Variants in SLC17A4 observed in about 807,000 individuals in gnomAD.
SLC17A4 encodes probable small intestine urate exporter.
In SLC17A4, 33 loss-of-function variants were observed where a neutral mutation model predicts 52.5. The observed-to-expected ratio is 0.63, with a 90% confidence interval of 0.48 to 0.84. The LOEUF is 0.84. Ranked by LOEUF, SLC17A4 falls within the 40% of genes least tolerant of loss-of-function variation. The pLI, the probability that SLC17A4 is intolerant of heterozygous loss-of-function variation, is 0.00. For missense variants in SLC17A4, 585 were observed against 597.1 expected, an observed-to-expected ratio of 0.98 and a Z score of 0.21; for synonymous variants, 225 against 216.2, an observed-to-expected ratio of 1.04 and a Z score of -0.36.
In SLC17A4 at chr6:25,778,027, A is replaced by G; in HGVS notation, c.1359+11A>G. 1.3e-6 allele frequency: 2 copies of G among 1,490,816 alleles called. No homozygotes were observed. Among genetic ancestry groups the G allele is most frequent in the South Asian group, 2.3e-5 (2 of 85,486 alleles). 92.3% of individuals were successfully genotyped at this position (1,490,816 alleles called of 1,614,324 possible). On this transcript the variant is annotated intron_variant, in intron 11 of 11. Transcript: ENST00000377905. ...TTTTTCATCAGTCAGGTGAGGTCAA[A>G]TGTTCTGATGAATATTCATAAAAGA...
rs1222578270 is a variant in SLC17A4 at position 25,773,666 on chromosome 6, C to T, written c.979C>T (p.Leu327Phe). ...CATCAGCTCGGTACTTCAAGCCAAC[C>T]TCAGAGATGTAAGTACAGAGAAAGC... ...TYISSVLQAN[L>F]RDSGILSALP... Residue 327 changes from leucine (L) to phenylalanine (F), a missense_variant, in exon 8 of 12, where the codon CTC (leucine) becomes TTC (phenylalanine). Coordinates refer to ENST00000377905, the MANE Select transcript of SLC17A4 (RefSeq NM_005495.3). 4.3e-6 allele frequency: 7 copies of T among 1,613,172 alleles called. No individual in the cohort carries two copies. Among genetic ancestry groups the T allele is most frequent in the Non-Finnish European group, 5.9e-6 (7 of 1,179,550 alleles).
chr6:25,771,399 C>A (rs1460127140), intron 6 of SLC17A4, among the ~76,000 whole-genome samples: 7 of 151,926 alleles, frequency 4.6e-5, no homozygotes, highest in Admixed American at 6.6e-5. Context: ...CATGGTTAAA[C>A]CCCGTCTCTA....
At chr6:25,765,189 G>A (rs1018315442) in intron 2 of SLC17A4, among the ~76,000 whole-genome samples, 1 of 152,194 alleles carries the variant, frequency 6.6e-6, no homozygotes, top group East Asian at 1.9e-4. Context: ...GATAAGGCAT[G>A]TGTTAGATAA....
At chr6:25,765,395 G>A (rs536834087) in intron 2 of SLC17A4, among the ~76,000 whole-genome samples, 23 of 152,296 alleles carry the variant, frequency 1.5e-4, no homozygotes, top group African/African-American at 5.5e-4. Context: ...AGGCACAGAG[G>A]GATGAAGTAA....
intron 6 of SLC17A4, 76 bp downstream of exon 6, chr6:25,771,088 C>T (rs1332377348): frequency 1.9e-5 from 22 of 1,177,002 alleles, no homozygotes; most frequent in Non-Finnish European, 5.1e-6. Flanking sequence ...TTAACCAAAT[C>T]CTAATAGATA....
chr6:25,770,886 G>A (rs745938064), intron 5 of SLC17A4, 40 bp from the exon 6 acceptor site: 10 of 1,498,712 alleles, frequency 6.7e-6, no homozygotes, highest in Middle Eastern at 1.7e-4. Flanking sequence ...GCCCCAAGAC[G>A]AGTCCTCTCA....
At chr6:25,773,124 C>T (rs2151449716) in intron 6 of SLC17A4, 151 bp from the exon 7 acceptor site, 1 of 686,864 alleles carries the variant, frequency 1.5e-6, no homozygotes, top group East Asian at 2.5e-5. Context: ...GAGGAAGTAC[C>T]CTCCCCCATG....
At chr6:25,770,872 T>C (rs1762422762) in intron 5 of SLC17A4, 54 bp from the exon 6 acceptor site, 3 of 1,382,804 alleles carry the variant, frequency 2.2e-6, no homozygotes, top group South Asian at 1.2e-5. Flanking sequence ...AGAAAGCACA[T>C]AGAGCCCCAA....
intron 1 of SLC17A4, among the ~76,000 whole-genome samples, chr6:25,757,839 G>A (rs1761156519): frequency 6.6e-6 from 1 of 152,328 alleles, no homozygotes; most frequent in Admixed American, 6.5e-5. Context: ...CATGTCAGGG[G>A]TGATATGTGT....
At chr6:25,777,059 G>T in intron 10 of SLC17A4, 100 bp downstream of exon 10, 5 of 1,338,154 alleles carry the variant, frequency 3.7e-6, no homozygotes, top group Non-Finnish European at 5.1e-6. Context: ...GGTACAACAG[G>T]TTGCAGGAAA....
rs112673081 is a variant in SLC17A4 at position 25,775,210 on chromosome 6, T to C, written c.988-1385T>C. On this transcript the variant is annotated intron_variant, in intron 8 of 11. Coordinates refer to ENST00000377905, the MANE Select transcript of SLC17A4 (RefSeq NM_005495.3). ...AGCCAGGTGTTGTGGCATCTGCCTG[T>C]AGTCCCAGCTACTTAGGAGGCTGAG... is the stretch of plus-strand genomic sequence containing the variant. Among the ~76,000 whole-genome samples the C allele has an allele frequency of 9.4e-3, 1,426 of 151,992 alleles. 13 individuals carry two copies. Among genetic ancestry groups the C allele is most frequent in the African/African-American group, 0.024 (1,006 of 41,476 alleles).
intron 1 of SLC17A4, among the ~76,000 whole-genome samples, chr6:25,758,050 G>A (rs1561793579): frequency 2.6e-5 from 4 of 152,180 alleles, no homozygotes; most frequent in Admixed American, 6.5e-5. Flanking sequence ...GCCGTGGGAC[G>A]TATCACAGCC....
At chr6:25,774,180 A>G (rs1010537562) in intron 8 of SLC17A4, among the ~76,000 whole-genome samples, 5 of 152,216 alleles carry the variant, frequency 3.3e-5, no homozygotes, top group African/African-American at 1.2e-4. Context: ...TTGTTTTAAA[A>G]AATCATTTTT....
chr6:25,762,257 T>TATA (rs1761607032), intron 2 of SLC17A4, among the ~76,000 whole-genome samples: 1 of 152,212 alleles, frequency 6.6e-6, no homozygotes, highest in Admixed American at 6.5e-5. Context: ...TTTGAAGGTA[T>TATA]ATAAGACAGG....
intron 2 of SLC17A4, among the ~76,000 whole-genome samples, chr6:25,763,770 C>T (rs1761756191): frequency 6.6e-6 from 1 of 152,196 alleles, no homozygotes. Flanking sequence ...AGTAGTTTTT[C>T]TCTATCAGTG....
At chr6:25,760,829 C>T (rs1300457197) in intron 1 of SLC17A4, among the ~76,000 whole-genome samples, 1 of 151,956 alleles carries the variant, frequency 6.6e-6, no homozygotes, top group Non-Finnish European at 1.5e-5. Context: ...TTTTTGGTAT[C>T]TTTTTATGTT....
Position 25,770,270 on chromosome 6 carries a change from T to C in SLC17A4, c.501T>C (p.Ile167=), listed in dbSNP as rs755291631. 5.6e-6 allele frequency: 9 copies of C among 1,614,134 alleles called. No homozygotes were observed. The highest frequency in any genetic ancestry group is 1.3e-5 in the African/African-American group (1 of 75,052). Residue 167 remains isoleucine, a synonymous_variant, in exon 4 of 12, where the codon ATT becomes ATC. Transcript: ENST00000377905. ...CTAATGCGGGAGTGGCCTTGCTCAT[T>C]GTCCTCCGGATTGTACAAGGCATAG... The part of the protein sequence containing the change: ...LAANAGVALL[I]VLRIVQGIAQ...
intron 2 of SLC17A4, chr6:25,768,554 G>T: frequency 3.4e-6 from 1 of 291,554 alleles, no homozygotes. Context: ...ATGTTTCCTG[G>T]TTATAAATGG....
intron 2 of SLC17A4, among the ~76,000 whole-genome samples, chr6:25,766,358 G>C (rs769918474): frequency 1.3e-5 from 2 of 152,070 alleles, no homozygotes; most frequent in African/African-American, 2.4e-5. Context: ...AGAGGAAAAT[G>C]CCTATTTATC....
Sources: gnomAD v4.1 joint callset for allele counts (sites outside exome capture counted in the v4.1 genomes callset) on GRCh38, gnomAD v4.1.1 for gene constraint, MANE v1.5 for transcripts, NCBI Gene and HGNC (gene_info 2026-07-23, HGNC 2026-07-21) for gene names.